The following DENND2B variants were observed in gnomAD, a reference collection of about 807,000 sequenced individuals.
DENND2B encodes DENN domain-containing protein 2B.
DENND2B carries 32 observed loss-of-function variants against 116.0 expected under a neutral mutation model. The ratio of observed to expected loss-of-function variants is 0.28; its 90% CI spans 0.21 to 0.37. The LOEUF (loss-of-function observed/expected upper bound fraction) is 0.37, where lower values mean the gene tolerates loss of function less well. Among genes scored for constraint, DENND2B ranks in the 10% least tolerant of loss-of-function variants. DENND2B has a pLI of 1.00. For synonymous variants in DENND2B, 588 were observed against 583.9 expected (o/e 1.01, Z -0.10); for missense variants, 1,276 against 1,477.7 (o/e 0.86, Z 2.24).
At chr11:8,906,488 C>T (rs1055897299) in intron 1 of DENND2B, among the ~76,000 whole-genome samples, 2 of 143,084 alleles carry the variant, frequency 1.4e-5, no homozygotes, top group South Asian at 2.3e-4. Context: ...TGTGAGCCAC[C>T]GCGCCCAGCC....
chr11:8,783,503 C>A (rs993428763), intron 1 of DENND2B, among the ~76,000 whole-genome samples: 6 of 152,092 alleles, frequency 3.9e-5, no homozygotes, highest in Admixed American at 1.3e-4. Context: ...AATGATGGCA[C>A]TTTGGGGGAA....
intron 1 of DENND2B, among the ~76,000 whole-genome samples, chr11:8,769,584 A>G (rs142338244): frequency 2.6e-5 from 4 of 152,074 alleles, no homozygotes; most frequent in African/African-American, 9.7e-5. Context: ...AAAAACTCCC[A>G]TAAGCGTCTC....
At chr11:8,786,878 T>G (rs1445298828) in intron 1 of DENND2B, among the ~76,000 whole-genome samples, 1 of 152,316 alleles carries the variant, frequency 6.6e-6, no homozygotes, top group African/African-American at 2.4e-5. Flanking sequence ...ATGCTCTCCT[T>G]TTCTTCGGTG....
chr11:8,894,766 T>C (rs931328118), intron 1 of DENND2B, among the ~76,000 whole-genome samples: 24 of 152,104 alleles, frequency 1.6e-4, no homozygotes, highest in African/African-American at 5.6e-4. Context: ...CTGGAGAGGA[T>C]GTGGAGAAAT....
intron 4 of DENND2B, 73 bp from the exon 5 acceptor site, chr11:8,717,965 A>C: frequency 1.3e-6 from 2 of 1,534,886 alleles, no homozygotes; most frequent in Non-Finnish European, 1.8e-6. Context: ...ACACACAAAT[A>C]AACAAGCAGA....
intron 1 of DENND2B, among the ~76,000 whole-genome samples, chr11:8,751,944 A>G (rs1007088089): frequency 4.6e-5 from 7 of 152,232 alleles, no homozygotes; most frequent in African/African-American, 1.7e-4. Flanking sequence ...CTCATTCTAA[A>G]CAATAAACTA....
chr11:8,902,205 A>T (rs1486239969), intron 1 of DENND2B, among the ~76,000 whole-genome samples: 1 of 152,034 alleles, frequency 6.6e-6, no homozygotes, highest in Admixed American at 6.6e-5. Flanking sequence ...ACGCGCCTGT[A>T]ATCCCAGCTA....
intron 11 of DENND2B, chr11:8,708,135 G>T: frequency 7.4e-7 from 1 of 1,356,154 alleles, no homozygotes; most frequent in Non-Finnish European, 9.5e-7. Context: ...GCTGACGGGG[G>T]CTGGCAAAGG....
In DENND2B at chr11:8,694,023, G is replaced by A; in HGVS notation, c.*73C>T. On this transcript the variant is annotated 3_prime_UTR_variant, in exon 20 of 20. Transcript: ENST00000313726. Reference sequence around the variant, plus strand: ...GGCAGAGGAGCCACAGCAGCCCAGAGGGTCCCAGGCTGGGCCTTCTCCCCA... The same window carrying A: ...GGCAGAGGAGCCACAGCAGCCCAGAAGGTCCCAGGCTGGGCCTTCTCCCCA... The A allele has an allele frequency of 6.4e-7, 1 of 1,566,652 alleles. No individual in the cohort carries two copies. Among genetic ancestry groups the A allele is most frequent in the South Asian group, 1.1e-5 (1 of 88,412 alleles).
At chr11:8,716,094 A>G (rs1592617081) in intron 5 of DENND2B, among the ~76,000 whole-genome samples, 1 of 152,246 alleles carries the variant, frequency 6.6e-6, no homozygotes, top group East Asian at 1.9e-4. Context: ...GAGTGGAAAA[A>G]GAAGACTAAG....
intron 4 of DENND2B, among the ~76,000 whole-genome samples, chr11:8,822,460 T>C (rs181041010): frequency 2.2e-4 from 33 of 152,382 alleles, no homozygotes; most frequent in Admixed American, 6.5e-4. Context: ...ATTTATCTTA[T>C]AACTGAACGT....
intron 4 of DENND2B, among the ~76,000 whole-genome samples, chr11:8,834,334 A>C (rs2062334340): frequency 6.6e-6 from 1 of 152,216 alleles, no homozygotes; most frequent in Non-Finnish European, 1.5e-5. Flanking sequence ...TGTAGCTTTA[A>C]ATTAGACGCT....
At chr11:8,773,490 C>G (rs903045667) in intron 1 of DENND2B, among the ~76,000 whole-genome samples, 3 of 152,226 alleles carry the variant, frequency 2.0e-5, no homozygotes, top group African/African-American at 7.2e-5. Context: ...AGAAGCCCAG[C>G]TGCTAAAGAT....
intron 1 of DENND2B, among the ~76,000 whole-genome samples, chr11:8,806,146 C>G (rs1452692814): frequency 6.6e-6 from 1 of 152,216 alleles, no homozygotes; most frequent in African/African-American, 2.4e-5. Context: ...CTCACTCCTG[C>G]TTCCTTCCAG....
At chr11:8,807,362 T>A (rs1302279079) in intron 1 of DENND2B, among the ~76,000 whole-genome samples, 1 of 152,208 alleles carries the variant, frequency 6.6e-6, no homozygotes, top group African/African-American at 2.4e-5. Context: ...CGTAATGCAG[T>A]TCTTAGAATC....
At position 8,707,832 on chromosome 11, in the gene DENND2B, A is replaced by C; in HGVS notation, c.2375T>G (p.Leu792Trp). The C allele has an allele frequency of 6.2e-7, 1 of 1,611,390 alleles. No individual in the cohort carries two copies. Among genetic ancestry groups the C allele is most frequent in the East Asian group, 2.2e-5 (1 of 44,802 alleles). Residue 792 changes from leucine to tryptophan, a missense_variant, in exon 12 of 20, where the codon TTG becomes TGG. Around this residue, in one of 2 missense-constraint regions of DENND2B, gnomAD observed 420 missense variants for 631.1 expected, o/e 0.67. Transcript: ENST00000313726. The surrounding 1 kb of genome is among the most constrained non-coding windows in gnomAD (Gnocchi z 4.8). ...GCTGATGACACAGTACACCTCTGGC[A>C]ACCGGGGCCCTTTCCCACTTGGCTG... is the stretch of plus-strand genomic sequence containing the variant. ...RLLPSGKGPR[L>W]PEVYCVISRL...
At chr11:8,781,486 T>C (rs2058366842) in intron 1 of DENND2B, among the ~76,000 whole-genome samples, 1 of 152,208 alleles carries the variant, frequency 6.6e-6, no homozygotes, top group Non-Finnish European at 1.5e-5. Context: ...TACCACTTTT[T>C]GTCTATTACA....
Position 8,855,926 on chromosome 11 carries a change from T to C in DENND2B, c.-156+1417A>G, listed in dbSNP as rs575327311. ...AAACTAGACAGCTGCCAGATCTACC[T>C]GGTAAATTCCAGTCAACCAGCTAGA... On this transcript the variant is annotated intron_variant, in intron 3 of 6. Coordinates refer to the DENND2B transcript ENST00000524757. Among the ~76,000 whole-genome samples, 4 of 152,308 alleles carry C rather than the reference T, an allele frequency of 2.6e-5. No individual in the cohort carries two copies. In the East Asian group the frequency reaches 5.8e-4, roughly 22 times the overall value.
chr11:8,870,336 G>C (rs2063732622), intron 2 of DENND2B, among the ~76,000 whole-genome samples: 7 of 152,168 alleles, frequency 4.6e-5, no homozygotes, highest in Admixed American at 4.6e-4. Flanking sequence ...ATTGGATAAC[G>C]TGCCATAAAC....
Sources: gnomAD v4.1 joint callset for allele counts (sites outside exome capture counted in the v4.1 genomes callset) on GRCh38, gnomAD v4.1.1 for gene constraint, gnomAD v4.1.1 regional missense constraint, Gnocchi (gnomAD v3.1) non-coding constraint, MANE v1.5 for transcripts, NCBI Gene and HGNC (gene_info 2026-07-23, HGNC 2026-07-21) for gene names.